Variants in CDH4 observed in about 807,000 individuals in gnomAD.
CDH4 encodes the protein cadherin-4.
Under a neutral mutation model 86.0 loss-of-function variants are expected in CDH4, and 33 were observed. The ratio of observed to expected loss-of-function variants is 0.38; its 90% CI spans 0.29 to 0.51. CDH4 has a LOEUF of 0.51. Ranked by LOEUF, CDH4 falls within the 20% of genes least tolerant of loss-of-function variation. The probability of loss-of-function intolerance (pLI) is 0.86; values close to 1 mark genes in which losing one functional copy is unlikely to be tolerated. For synonymous variants in CDH4, 555 were observed against 549.4 expected (o/e 1.01, Z -0.14); for missense variants, 1,114 against 1,307.4 (o/e 0.85, Z 2.28).
intron 6 of CDH4, among the ~76,000 whole-genome samples, chr20:61,865,374 G>C (rs1448261726): frequency 6.6e-6 from 1 of 151,666 alleles, no homozygotes; most frequent in African/African-American, 2.4e-5. Context: ...TGAATGGTTA[G>C]TATAGATAAT....
At chr20:61,333,702 G>A (rs992089448) in intron 2 of CDH4, among the ~76,000 whole-genome samples, 8 of 152,228 alleles carry the variant, frequency 5.3e-5, no homozygotes, top group South Asian at 2.1e-4. Flanking sequence ...AGGCCTCTGC[G>A]GTATCCCTGG....
At chr20:61,816,689 G>T (rs1021174709) in intron 4 of CDH4, among the ~76,000 whole-genome samples, 2 of 56,302 alleles carry the variant, frequency 3.6e-5, no homozygotes, top group African/African-American at 6.8e-5. Context: ...CACGTTAAAT[G>T]GGGGGGGGCG....
chr20:61,934,717 G>GCCCCCCCCCCCC (rs200122965), intron 15 of CDH4, among the ~76,000 whole-genome samples: 9 of 148,678 alleles, frequency 6.1e-5, no homozygotes, highest in African/African-American at 1.8e-4. Flanking sequence ...AGGCCAACTT[G>GCCCCCCCCCCCC]CCCCCCCTCC....
At chr20:61,374,805 C>T (rs1805500327) in intron 2 of CDH4, among the ~76,000 whole-genome samples, 1 of 152,162 alleles carries the variant, frequency 6.6e-6, no homozygotes, top group Non-Finnish European at 1.5e-5. Context: ...GCATTAACAT[C>T]AACACAGTCC....
chr20:61,559,640 T>C (rs1320640774), intron 2 of CDH4, among the ~76,000 whole-genome samples: 2 of 147,272 alleles, frequency 1.4e-5, no homozygotes, highest in African/African-American at 5.0e-5. Context: ...TGCCTCAGCC[T>C]CCCGAGTAGC....
chr20:61,495,859 T>A (rs1459142630), intron 2 of CDH4, among the ~76,000 whole-genome samples: 1 of 131,794 alleles, frequency 7.6e-6, no homozygotes, highest in Non-Finnish European at 1.5e-5. Flanking sequence ...GCTGAGATAG[T>A]GCCACTGCAC....
chr20:61,402,031 AAACATCCCTGGGT>A lies in CDH4; in HGVS notation c.169+147100_169+147112del, dbSNP rs532703196. Among the ~76,000 whole-genome samples, 20 of 152,352 alleles carry A rather than the reference AAACATCCCTGGGT, an allele frequency of 1.3e-4. No individual in the cohort carries two copies. The East Asian group carries it at 3.7e-3, about 28-fold the overall frequency. ...CTCAGATGTTGTTTGTGGAGGCTGG[AAACATCCCTGGGT>A]AACATTTGTCCCAGTCACCTAGCTA... On this transcript the variant is annotated intron_variant, in intron 2 of 15. Coordinates refer to ENST00000614565, the MANE Select transcript of CDH4 (RefSeq NM_001794.5).
At chr20:61,915,374 C>T (rs1004337441) in intron 9 of CDH4, among the ~76,000 whole-genome samples, 6 of 152,326 alleles carry the variant, frequency 3.9e-5, no homozygotes, top group South Asian at 2.1e-4. Context: ...CAGATGGTAC[C>T]GTCTGACCAG....
chr20:61,845,905 T>A (rs1166937338), intron 5 of CDH4, among the ~76,000 whole-genome samples: 2 of 152,158 alleles, frequency 1.3e-5, no homozygotes, highest in Admixed American at 1.3e-4. Flanking sequence ...TGTTTTGGGG[T>A]TCATTCATTC....
chr20:61,617,714 G>C (rs1409361526), intron 2 of CDH4, among the ~76,000 whole-genome samples: 4 of 152,208 alleles, frequency 2.6e-5, no homozygotes, highest in Admixed American at 2.6e-4. Context: ...GGTCCAGGGA[G>C]AGTGCTCAGG....
intron 2 of CDH4, among the ~76,000 whole-genome samples, chr20:61,706,712 T>C (rs2087834418): frequency 6.6e-6 from 1 of 152,124 alleles, no homozygotes; most frequent in African/African-American, 2.4e-5. Context: ...CCACCTTGGC[T>C]GAATTCTCCC....
In CDH4 at chr20:61,549,674, C is replaced by A. The variant is rs372540529; in HGVS notation, c.170-193889C>A. On this transcript the variant is annotated intron_variant, in intron 2 of 15. Transcript: ENST00000614565. Reference sequence around the variant, plus strand: ...CGTGCTGGGAGACTAAACAGCGAAGCCTCCGGGATGTTATGTGCACCGCTG... The same window carrying A: ...CGTGCTGGGAGACTAAACAGCGAAGACTCCGGGATGTTATGTGCACCGCTG... 2.6e-5 allele frequency among the ~76,000 whole-genome samples: 4 copies of A among 152,186 alleles called. No homozygotes were observed. The East Asian group carries it at 7.7e-4, about 29-fold the overall frequency.
intron 4 of CDH4, among the ~76,000 whole-genome samples, chr20:61,782,018 A>G (rs535785787): frequency 1.3e-5 from 2 of 152,182 alleles, no homozygotes; most frequent in Non-Finnish European, 2.9e-5. Context: ...TTCAAAAATG[A>G]AGGTGAAGCC....
intron 4 of CDH4, among the ~76,000 whole-genome samples, chr20:61,790,799 TCCAC>T (rs1289498025): frequency 1.5e-5 from 2 of 136,794 alleles, no homozygotes; most frequent in African/African-American, 7.2e-5. Context: ...CATTCATTCA[TCCAC>T]CCATCCATCC....
intron 2 of CDH4, among the ~76,000 whole-genome samples, chr20:61,726,901 A>G (rs116905405): frequency 0.013 from 2,043 of 151,862 alleles, 29 homozygotes; most frequent in Middle Eastern, 0.037. Flanking sequence ...CATCATCATC[A>G]CTATCAGTGA....
intron 6 of CDH4, among the ~76,000 whole-genome samples, chr20:61,866,726 C>T (rs1011344907): frequency 2.0e-5 from 3 of 152,256 alleles, no homozygotes; most frequent in Admixed American, 6.5e-5. Context: ...AGATGTTTCC[C>T]GGTGAGCGTG....
intron 2 of CDH4, among the ~76,000 whole-genome samples, chr20:61,352,012 C>T (rs1399456594): frequency 1.3e-5 from 2 of 152,142 alleles, no homozygotes; most frequent in Admixed American, 1.3e-4. Context: ...CCACCGCACC[C>T]GGCCTCCTTT....
At chr20:61,918,598 G>T (rs1362124304) in intron 9 of CDH4, among the ~76,000 whole-genome samples, 1 of 152,184 alleles carries the variant, frequency 6.6e-6, no homozygotes, top group Non-Finnish European at 1.5e-5. Context: ...AGGACTCAGG[G>T]AGGCTAGCAG....
intron 5 of CDH4, 90 bp from the exon 6 acceptor site, chr20:61,852,664 C>T: frequency 7.2e-7 from 1 of 1,390,910 alleles, no homozygotes; most frequent in Non-Finnish European, 9.6e-7. Context: ...TGCCATCAGT[C>T]TCCTACCCCA....
Sources: gnomAD v4.1 joint callset for allele counts (sites outside exome capture counted in the v4.1 genomes callset) on GRCh38, gnomAD v4.1.1 for gene constraint, MANE v1.5 for transcripts, NCBI Gene and HGNC (gene_info 2026-07-23, HGNC 2026-07-21) for gene names.